The following CACNA1H variants were observed in gnomAD, a reference collection of about 807,000 sequenced individuals.
The protein encoded by CACNA1H is calcium voltage-gated channel subunit alpha1 H.
Under a neutral mutation model 192.5 loss-of-function variants are expected in CACNA1H, and 149 were observed. The ratio of observed to expected loss-of-function variants is 0.77; its 90% confidence interval spans 0.68 to 0.89. CACNA1H has a LOEUF of 0.89. Among genes scored for constraint, CACNA1H ranks in the 40% least tolerant of loss-of-function variants. CACNA1H has a pLI of 0.00. For missense variants in CACNA1H, 4,257 were observed against 3,423.5 expected (o/e 1.24, Z -6.08); for synonymous variants, 2,202 against 1,475.2 (o/e 1.49, Z -11.29).
intron 17 of CACNA1H, 62 bp from the exon 18 acceptor site, chr16:1,209,973 G>A: frequency 7.9e-7 from 1 of 1,258,240 alleles, no homozygotes; most frequent in Non-Finnish European, 1.1e-6. Context: ...AGCACAGAGG[G>A]CCCTGATGGG....
At chr16:1,176,784 C>T (rs548815335) in intron 2 of CACNA1H, among the ~76,000 whole-genome samples, 8 of 152,256 alleles carry the variant, frequency 5.3e-5, no homozygotes, top group African/African-American at 1.4e-4. Flanking sequence ...GGAGCGGGGC[C>T]GCCCCGCCGG....
At position 1,180,202 on chromosome 16, in the gene CACNA1H, C is replaced by CAGGT; in HGVS notation, c.300-14769_300-14766dup. ...GTCAGCCGGCTCCTGGGTGCACAGG[C>CAGGT]AGGTGGTGTGCGTCCGCATTGCAGA... On this transcript the variant is annotated intron_variant, in intron 2 of 34. Coordinates refer to ENST00000348261, the MANE Select transcript of CACNA1H (RefSeq NM_021098.3). The surrounding 1 kb of genome is among the most constrained non-coding windows in gnomAD (Gnocchi z 4.4). 6.6e-6 allele frequency among the ~76,000 whole-genome samples: 1 copy of CAGGT among 152,366 alleles called. No individual in the cohort carries two copies. Among genetic ancestry groups the CAGGT allele is most frequent in the African/African-American group, 2.4e-5 (1 of 41,582 alleles).
In CACNA1H at chr16:1,215,294, C is replaced by T. The variant is rs745792525; in HGVS notation, c.5092C>T (p.Leu1698=). The stretch of plus-strand genomic sequence containing the variant: ...GCTGCTGTCACTCATGGGCATCACG[C>T]TGGAGGAGATAGAGATGAGCGCCGC... ...IVLLSLMGIT[L]EEIEMSAALP... The change falls in exon 29 of 35, where the codon CTG becomes TTG. Residue 1698 remains leucine, a synonymous_variant. Coordinates refer to ENST00000348261, the MANE Select transcript of CACNA1H (RefSeq NM_021098.3). The T allele has an allele frequency of 6.2e-7, 1 of 1,609,862 alleles. No individual in the cohort carries two copies. Among genetic ancestry groups the T allele is most frequent in the Admixed American group, 1.7e-5 (1 of 59,630 alleles).
chr16:1,181,487 T>C (rs1057456209), intron 2 of CACNA1H, among the ~76,000 whole-genome samples: 2 of 152,226 alleles, frequency 1.3e-5, no homozygotes, highest in African/African-American at 2.4e-5. Context: ...TCCTTGCCGG[T>C]GTGGCTGCAC....
chr16:1,196,280 CAG>C (rs755557833), intron 5 of CACNA1H, among the ~76,000 whole-genome samples: 35 of 152,388 alleles, frequency 2.3e-4, no homozygotes, highest in East Asian at 1.4e-3. Context: ...AGCCGAGTGA[CAG>C]GGGCCACTCC....
At chr16:1,161,404 C>A (rs1272421321) in intron 2 of CACNA1H, among the ~76,000 whole-genome samples, 1 of 152,194 alleles carries the variant, frequency 6.6e-6, no homozygotes, top group Non-Finnish European at 1.5e-5. Flanking sequence ...GCCCCCTGGC[C>A]GGAGGTGGTT....
At chr16:1,207,745 C>T (rs1323205323) in intron 14 of CACNA1H, 25 bp from the exon 15 acceptor site, 2 of 1,571,938 alleles carry the variant, frequency 1.3e-6, no homozygotes, top group Non-Finnish European at 1.7e-6. Flanking sequence ...CCCCTCATGC[C>T]TGCCTTGTGC....
chr16:1,196,552 C>T (rs1171992419), intron 5 of CACNA1H, among the ~76,000 whole-genome samples: 1 of 152,226 alleles, frequency 6.6e-6, no homozygotes, highest in Non-Finnish European at 1.5e-5. Context: ...CTGCCAGGAT[C>T]CCCACCTAAG....
chr16:1,215,927 C>T (rs926153629), intron 30 of CACNA1H, among the ~76,000 whole-genome samples: 1 of 152,166 alleles, frequency 6.6e-6, no homozygotes, highest in Non-Finnish European at 1.5e-5. Context: ...CAGGAATACA[C>T]CCAGGATGCA....
intron 2 of CACNA1H, among the ~76,000 whole-genome samples, chr16:1,156,551 G>A (rs1281385987): frequency 6.6e-6 from 1 of 152,054 alleles, no homozygotes; most frequent in Non-Finnish European, 1.5e-5. Flanking sequence ...GGGGCGGTGG[G>A]CGACTGGTGT....
intron 2 of CACNA1H, among the ~76,000 whole-genome samples, chr16:1,193,744 A>G (rs1461783582): frequency 6.6e-6 from 1 of 152,002 alleles, no homozygotes; most frequent in Non-Finnish European, 1.5e-5. Context: ...TGGCACTGGC[A>G]TCAAATGCTG....
At chr16:1,211,872 G>A in intron 24 of CACNA1H, 67 bp downstream of exon 24, 1 of 1,609,668 alleles carries the variant, frequency 6.2e-7, no homozygotes, top group Admixed American at 1.7e-5. Flanking sequence ...TGGCCTCTGG[G>A]GACTCGGGGG....
intron 16 of CACNA1H, among the ~76,000 whole-genome samples, chr16:1,208,428 C>T (rs551531966): frequency 1.3e-5 from 2 of 152,282 alleles, no homozygotes; most frequent in Admixed American, 1.3e-4. Flanking sequence ...GGGGCAGACG[C>T]GGAAGCTCTG....
intron 2 of CACNA1H, among the ~76,000 whole-genome samples, chr16:1,169,877 C>T (rs773315716): frequency 2.0e-5 from 3 of 152,236 alleles, no homozygotes; most frequent in Non-Finnish European, 2.9e-5. Flanking sequence ...TGCGACCGCC[C>T]AGCACTGCAG....
intron 2 of CACNA1H, among the ~76,000 whole-genome samples, chr16:1,166,882 G>T (rs566240935): frequency 6.6e-6 from 1 of 152,198 alleles, no homozygotes; most frequent in Admixed American, 6.5e-5. Flanking sequence ...CTGCCGGGCC[G>T]TCCCTGCTCC....
At chr16:1,216,197 C>T (rs1318895436) in intron 30 of CACNA1H, among the ~76,000 whole-genome samples, 1 of 152,208 alleles carries the variant, frequency 6.6e-6, no homozygotes, top group Admixed American at 6.5e-5. Context: ...CACCCATTTC[C>T]TGTCCCTGCG....
chr16:1,176,458 C>T (rs781060093), intron 2 of CACNA1H, among the ~76,000 whole-genome samples: 77 of 152,198 alleles, frequency 5.1e-4, no homozygotes, highest in Non-Finnish European at 9.6e-4. Context: ...CCCCAGCTGC[C>T]GTCTCTTTCT....
chr16:1,200,640 C>G (rs1031209556), intron 7 of CACNA1H, 69 bp downstream of exon 7: 19 of 1,593,780 alleles, frequency 1.2e-5, no homozygotes, highest in Non-Finnish European at 1.5e-5. Context: ...ACTCGCCCCC[C>G]CCAGCCCAGA....
In CACNA1H at chr16:1,211,159, C is replaced by T. The variant is rs1287379368; in HGVS notation, c.4224-9C>T. 2 of 1,612,092 alleles carry T rather than the reference C, an allele frequency of 1.2e-6. No individual in the cohort carries two copies. The highest frequency in any genetic ancestry group is 8.5e-7 in the Non-Finnish European group (1 of 1,179,424). On this transcript the variant is annotated splice_polypyrimidine_tract_variant and intron_variant, in intron 21 of 34. Transcript: ENST00000348261. The stretch of plus-strand genomic sequence containing the variant: ...AGATGACTGCAGTGTATCCTTCACT[C>T]CCCTCCAGGGTCATCAGCCGGGCCC...
Sources: allele counts gnomAD v4.1 joint callset (sites outside exome capture counted in the v4.1 genomes callset), GRCh38; gene constraint gnomAD v4.1.1; non-coding constraint Gnocchi (gnomAD v3.1); transcripts MANE v1.5; gene names NCBI Gene and HGNC (gene_info 2026-07-23, HGNC 2026-07-21).